BUB3: variants seen among roughly 807,000 people sequenced by gnomAD.
BUB3 encodes BUB3 mitotic checkpoint protein, also known as mitotic checkpoint protein BUB3.
A neutral mutation model predicts 39.9 loss-of-function variants in BUB3; 22 were observed. The observed-to-expected ratio is 0.55, with a 90% CI of 0.39 to 0.79. The LOEUF (loss-of-function observed/expected upper bound fraction) is 0.79, where lower values mean the gene tolerates loss of function less well. Among genes scored for constraint, BUB3 ranks in the 30% least tolerant of loss-of-function variants. The probability of loss-of-function intolerance (pLI) is 0.00; values close to 1 mark genes in which losing one functional copy is unlikely to be tolerated. For missense variants in BUB3, 303 were observed against 415.4 expected, an observed-to-expected ratio of 0.73 and a Z score of 2.35; for synonymous variants, 168 against 155.1, an observed-to-expected ratio of 1.08 and a Z score of -0.62.
Position 123,155,681 on chromosome 10 carries a change from A to T in BUB3, c.219A>T (p.Gly73=). 6.2e-7 allele frequency: 1 copy of T among 1,614,134 alleles called. No individual in the cohort carries two copies. ...AGGATCCAACGCATGCCTGGAGTGGAGGACTAGATCATCAATTGAAAATGC... is the reference window on the plus strand; with the variant it reads ...AGGATCCAACGCATGCCTGGAGTGGTGGACTAGATCATCAATTGAAAATGC... The part of the protein sequence containing the change: ...AFYDPTHAWS[G]GLDHQLKMHD... The change falls in exon 3 of 8, where the codon GGA becomes GGT. Residue 73 remains glycine, a synonymous_variant. Coordinates refer to ENST00000368865, the MANE Select transcript of BUB3 (RefSeq NM_004725.4).
At position 123,165,067 on chromosome 10, in the gene BUB3, A is replaced by G; in HGVS notation, c.*1232A>G. ...TGCAGGTCCACCTAATCATCCTGTGAAAGTGGTTTCTCTATGGAAAGCTTT... is the reference window on the plus strand; with the variant it reads ...TGCAGGTCCACCTAATCATCCTGTGGAAGTGGTTTCTCTATGGAAAGCTTT... On this transcript the variant is annotated 3_prime_UTR_variant, in exon 8 of 8. Coordinates refer to ENST00000368865, the MANE Select transcript of BUB3 (RefSeq NM_004725.4). 1 of 1,611,888 alleles carries G rather than the reference A, an allele frequency of 6.2e-7. No individual in the cohort carries two copies. The highest frequency in any genetic ancestry group is 8.5e-7 in the Non-Finnish European group (1 of 1,179,410).
chr10:123,162,097 C>T (rs1844431635), intron 5 of BUB3, 139 bp from the exon 6 acceptor site: 2 of 768,650 alleles, frequency 2.6e-6, no homozygotes, highest in Non-Finnish European at 4.3e-6. Flanking sequence ...GTTAGTACAG[C>T]CTAAACACTT....
rs958431356 is a variant in BUB3, at chr10:123,157,198, T to C, written c.266-531T>C. Among the ~76,000 whole-genome samples, 4 of 152,234 alleles carry C rather than the reference T, an allele frequency of 2.6e-5. No individual in the cohort carries two copies. The East Asian group carries it at 7.7e-4, about 29-fold the overall frequency. ...ACCACAGTGGAACCAAGTGCAGTAA[T>C]GAGAGGACTTCACTCCCAGTTCTCA... On this transcript the variant is annotated intron_variant, in intron 3 of 7. Transcript: ENST00000368865.
Position 123,163,940 on chromosome 10 carries a change from T to C in BUB3, c.*105T>C. On this transcript the variant is annotated 3_prime_UTR_variant, in exon 8 of 8. Transcript: ENST00000368865. ...AAGAAACCAGGGAAAATATTAATTT[T>C]AATATTATAACAACCTGAAAATAAT... The C allele has an allele frequency of 1.5e-6, 2 of 1,357,788 alleles. No homozygotes were observed. The highest frequency in any genetic ancestry group is 1.9e-6 in the Non-Finnish European group (2 of 1,036,350). The allele number at this position is 1,357,788 out of a possible 1,614,324, so 84.1% of individuals were successfully genotyped here. A position where few individuals can be genotyped will look rare whatever the true frequency, so the allele number is the denominator to read the frequency against.
Position 123,163,610 on chromosome 10 carries a change from C to T in BUB3, c.972-210C>T, listed in dbSNP as rs186953306. Among the ~76,000 whole-genome samples the T allele has an allele frequency of 1.7e-3, 255 of 152,318 alleles. 1 individual carries two copies. Among genetic ancestry groups the T allele is most frequent in the Non-Finnish European group, 1.8e-3 (125 of 68,026 alleles). ...GCTGAGTTAAAATGGATATGGTACC[C>T]TTGCTGATTGGTTGAGCCCCTAAGA... On this transcript the variant is annotated intron_variant, in intron 7 of 7. Coordinates refer to ENST00000368865, the MANE Select transcript of BUB3 (RefSeq NM_004725.4).
Position 123,164,652 on chromosome 10 carries a change from A to G in BUB3, c.*817A>G. The stretch of plus-strand genomic sequence containing the variant: ...TTCTATCTCTAAATGAATTTTTGGA[A>G]ACATTAATGAGGTTTACATATTTCT... On this transcript the variant is annotated 3_prime_UTR_variant, in exon 8 of 8. Transcript: ENST00000368865. The G allele has an allele frequency of 1.0e-6, 1 of 996,342 alleles. No individual in the cohort carries two copies. Among genetic ancestry groups the G allele is most frequent in the Non-Finnish European group, 1.2e-6 (1 of 837,166 alleles). 61.7% of individuals were successfully genotyped at this position (996,342 alleles called of 1,614,324 possible).
chr10:123,160,131 A>G (rs765045565), intron 4 of BUB3, among the ~76,000 whole-genome samples: 7 of 152,152 alleles, frequency 4.6e-5, no homozygotes, highest in Non-Finnish European at 7.4e-5. Context: ...TTGTTTTAGT[A>G]ATGGAGAGAA....
intron 3 of BUB3, among the ~76,000 whole-genome samples, chr10:123,156,046 T>C (rs1454193017): frequency 6.6e-6 from 1 of 152,238 alleles, no homozygotes; most frequent in Non-Finnish European, 1.5e-5. Flanking sequence ...ATTAGGATTT[T>C]CCACTACAAT....
chr10:123,162,130 C>A, intron 5 of BUB3, 106 bp from the exon 6 acceptor site: 1 of 1,021,092 alleles, frequency 9.8e-7, no homozygotes, highest in South Asian at 1.5e-5. Flanking sequence ...CTGTACTTCT[C>A]ATTTCTGAAA....
chr10:123,154,983 C>G lies in BUB3; in HGVS notation c.66C>G (p.Phe22Leu). ...PPEDGISSVK[F>L]SPNTSQFLLV... is the part of the protein sequence containing the mutation. ...AGGATGGCATCTCCTCCGTGAAGTTCAGCCCCAACACCTCCCAGTTCCTGC... is the reference window on the plus strand; with the variant it reads ...AGGATGGCATCTCCTCCGTGAAGTTGAGCCCCAACACCTCCCAGTTCCTGC... The change falls in exon 2 of 8, where the codon TTC (phenylalanine) becomes TTG (leucine). Residue 22 changes from phenylalanine to leucine, a missense_variant. Physicochemically the swap from Phe to Leu is conservative, Grantham distance 22 (BLOSUM62 0). Around this residue, in one of 2 missense-constraint regions of BUB3, gnomAD observed 121 missense variants for 122.3 expected, o/e 0.99. Coordinates refer to ENST00000368865, the MANE Select transcript of BUB3 (RefSeq NM_004725.4). 6.2e-7 allele frequency: 1 copy of G among 1,614,168 alleles called. No individual in the cohort carries two copies. Among genetic ancestry groups the G allele is most frequent in the Non-Finnish European group, 8.5e-7 (1 of 1,180,026 alleles).
Position 123,168,382 on chromosome 10 carries a change from C to T in BUB3, c.*4547C>T, listed in dbSNP as rs1394648507. 1 of 152,190 alleles carries T rather than the reference C, an allele frequency of 6.6e-6. No individual in the cohort carries two copies. The highest frequency in any genetic ancestry group is 2.4e-5 in the African/African-American group (1 of 41,438). 9.4% of individuals were successfully genotyped at this position (152,190 alleles called of 1,614,324 possible). On this transcript the variant is annotated 3_prime_UTR_variant, in exon 8 of 8. Transcript: ENST00000368865. ...GATGGTGTGACTTGCACAAGCCACA[C>T]AGCCTGCATGGTGTCCACTTTGAGG...
At chr10:123,163,537 G>T (rs537907326) in intron 7 of BUB3, among the ~76,000 whole-genome samples, 33 of 152,290 alleles carry the variant, frequency 2.2e-4, no homozygotes, top group Admixed American at 1.0e-3. Flanking sequence ...GGAAGTTCTC[G>T]ATACATATTT....
At chr10:123,155,514 T>A (rs1233593693) in intron 2 of BUB3, 144 bp from the exon 3 acceptor site, 4 of 739,674 alleles carry the variant, frequency 5.4e-6, no homozygotes, top group Non-Finnish European at 9.0e-6. Flanking sequence ...CTTGCTTTTT[T>A]ATGCTGTTTT....
Position 123,169,999 on chromosome 10 carries a change from G to A in BUB3, c.*6164G>A, listed in dbSNP as rs542099555. The A allele has an allele frequency of 6.6e-6, 1 of 152,360 alleles. No homozygotes were observed. Among genetic ancestry groups the A allele is most frequent in the African/African-American group, 2.4e-5 (1 of 41,580 alleles). The allele number at this position is 152,360 out of a possible 1,614,324, so 9.4% of individuals were successfully genotyped here. A position where few individuals can be genotyped will look rare whatever the true frequency, so the allele number is the denominator to read the frequency against. ...CTGAGTGCGGGAGGTTGAGGTTGCA[G>A]TGAGCTGAAGTTGCACCACTGCACT... On this transcript the variant is annotated 3_prime_UTR_variant, in exon 8 of 8. Transcript: ENST00000368865.
At position 123,162,734 on chromosome 10, in the gene BUB3, A is replaced by G; in HGVS notation, c.877A>G (p.Ile293Val). The change falls in exon 7 of 8, where the codon ATA becomes GTA. Residue 293 changes from isoleucine to valine, a missense_variant. Around this residue, in one of 2 missense-constraint regions of BUB3, gnomAD observed 182 missense variants for 293.1 expected, o/e 0.62. Transcript: ENST00000368865. ...AFSNDGTTLAIASSYMYEMDD... is the reference protein window; with the variant it reads ...AFSNDGTTLAVASSYMYEMDD... ...CAGTAATGATGGGACTACGCTTGCA[A>G]TAGCGTCATCATATATGTATGAAAT... The G allele has an allele frequency of 6.2e-7, 1 of 1,614,014 alleles. No individual in the cohort carries two copies. The highest frequency in any genetic ancestry group is 8.5e-7 in the Non-Finnish European group (1 of 1,179,908).
chr10:123,160,451 A>G lies in BUB3; in HGVS notation c.462A>G (p.Thr154=), dbSNP rs1470536684. The G allele has an allele frequency of 5.0e-6, 8 of 1,612,948 alleles. No homozygotes were observed. The highest frequency in any genetic ancestry group is 1.3e-5 in the African/African-American group (1 of 74,958). ...SVSGDRLIVG[T]AGRRVLVWDL... is the part of the protein sequence containing the mutation. ...CTGGAGACCGGCTGATTGTGGGAAC[A>G]GCAGGCCGCAGAGTGTTGGTGTGGG... Residue 154 remains threonine, a synonymous_variant, in exon 5 of 8, where the codon ACA becomes ACG. Transcript: ENST00000368865.
At chr10:123,160,779 A>G (rs1589690383) in intron 5 of BUB3, among the ~76,000 whole-genome samples, 1 of 152,228 alleles carries the variant, frequency 6.6e-6, no homozygotes, top group Non-Finnish European at 1.5e-5. Flanking sequence ...TGATGTTCAG[A>G]GAGACCAAGT....
chr10:123,165,163 C>A lies in BUB3; in HGVS notation c.*1328C>A. 7.3e-7 allele frequency: 1 copy of A among 1,375,656 alleles called. No individual in the cohort carries two copies. The highest frequency in any genetic ancestry group is 1.2e-5 in the South Asian group (1 of 84,372). 85.2% of individuals were successfully genotyped at this position (1,375,656 alleles called of 1,614,324 possible). On this transcript the variant is annotated 3_prime_UTR_variant, in exon 8 of 8. Coordinates refer to ENST00000368865, the MANE Select transcript of BUB3 (RefSeq NM_004725.4). ...GAGTTACTGTGGATTTCTCTGTTTTCTGTCTTACAAGAAACTTGTCTATGT... is the reference window on the plus strand; with the variant it reads ...GAGTTACTGTGGATTTCTCTGTTTTATGTCTTACAAGAAACTTGTCTATGT...
rs1844456075 is a variant in BUB3, at chr10:123,163,985, T to G, written c.*150T>G. On this transcript the variant is annotated 3_prime_UTR_variant, in exon 8 of 8. Coordinates refer to ENST00000368865, the MANE Select transcript of BUB3 (RefSeq NM_004725.4). ...AATAATGGAAAAGAGGTTTTTGAAT[T>G]TTTTTTTTTAAATAAACACCTTCTT... is the stretch of plus-strand genomic sequence containing the variant. 1 of 1,319,478 alleles carries G rather than the reference T, an allele frequency of 7.6e-7. No homozygotes were observed. Among genetic ancestry groups the G allele is most frequent in the Admixed American group, 3.8e-5 (1 of 26,014 alleles). 81.7% of individuals were successfully genotyped at this position (1,319,478 alleles called of 1,614,324 possible).
Sources: allele counts gnomAD v4.1 joint callset (sites outside exome capture counted in the v4.1 genomes callset), GRCh38; gene constraint gnomAD v4.1.1; regional missense constraint gnomAD v4.1.1; transcripts MANE v1.5; gene names NCBI Gene and HGNC (gene_info 2026-07-23, HGNC 2026-07-21).